TPCN1: variants seen among roughly 807,000 people sequenced by gnomAD.
TPCN1 encodes two pore segment channel 1.
Under a neutral mutation model 108.8 loss-of-function variants are expected in TPCN1, and 52 were observed. The observed-to-expected ratio is 0.48, with a 90% CI of 0.38 to 0.60. The LOEUF (loss-of-function observed/expected upper bound fraction) is 0.60, where lower values mean the gene tolerates loss of function less well. Ranked by LOEUF, TPCN1 falls within the 20% of genes least tolerant of loss-of-function variation. TPCN1 has a pLI of 0.00. For synonymous variants in TPCN1, 446 were observed against 433.7 expected (o/e 1.03, Z -0.35); for missense variants, 806 against 1,072.8 (o/e 0.75, Z 3.47).
chr12:113,257,112 A>T (rs1954855861), intron 2 of TPCN1, among the ~76,000 whole-genome samples: 1 of 152,228 alleles, frequency 6.6e-6, no homozygotes, highest in African/African-American at 2.4e-5. Flanking sequence ...AAACATATGG[A>T]AAGTTGTGCA....
chr12:113,224,025 G>A (rs1953374790), intron 1 of TPCN1, among the ~76,000 whole-genome samples: 1 of 152,168 alleles, frequency 6.6e-6, no homozygotes, highest in African/African-American at 2.4e-5. Flanking sequence ...ACTGTTCTGA[G>A]AGGCTGCATG....
intron 14 of TPCN1, 73 bp downstream of exon 14, chr12:113,278,908 G>C: frequency 7.2e-7 from 1 of 1,390,118 alleles, no homozygotes; most frequent in South Asian, 1.2e-5. Flanking sequence ...ACAGATAAGC[G>C]TCTGAGGAGA....
intron 3 of TPCN1, among the ~76,000 whole-genome samples, chr12:113,265,544 CTTTCTTTTTTT>C (rs1212081679): frequency 6.7e-6 from 1 of 150,240 alleles, no homozygotes; most frequent in Non-Finnish European, 1.5e-5. Context: ...TTTTCTTTTT[CTTTCTTTTTTT>C]TTTTTTTTTG....
chr12:113,291,771 G>A (rs1175601659), intron 24 of TPCN1, 94 bp downstream of exon 24: 1 of 1,569,976 alleles, frequency 6.4e-7, no homozygotes, highest in Admixed American at 1.7e-5. Flanking sequence ...GAGTGGGGCT[G>A]GGTCCCATCT....
At chr12:113,240,908 G>A (rs1954089806) in intron 2 of TPCN1, among the ~76,000 whole-genome samples, 1 of 152,030 alleles carries the variant, frequency 6.6e-6, no homozygotes, top group Non-Finnish European at 1.5e-5. Flanking sequence ...CATCATGCCT[G>A]GCTAATTTTT....
intron 2 of TPCN1, among the ~76,000 whole-genome samples, chr12:113,237,432 C>G (rs371846379): frequency 6.6e-6 from 1 of 152,100 alleles, no homozygotes; most frequent in African/African-American, 2.4e-5. Context: ...TCTCGGCTCA[C>G]TGCAACCTCC....
chr12:113,276,021 A>G (rs1001705566), intron 10 of TPCN1, among the ~76,000 whole-genome samples: 2 of 152,236 alleles, frequency 1.3e-5, no homozygotes, highest in African/African-American at 2.4e-5. Flanking sequence ...AATTTGGCCC[A>G]TGGCCTGTGT....
intron 3 of TPCN1, among the ~76,000 whole-genome samples, chr12:113,264,039 G>C (rs2136598551): frequency 6.6e-6 from 1 of 152,070 alleles, no homozygotes; most frequent in Admixed American, 6.5e-5. Context: ...TTCATTCCTG[G>C]TTATTTGTTG....
At chr12:113,256,392 A>C (rs1283360024) in intron 2 of TPCN1, among the ~76,000 whole-genome samples, 1 of 152,162 alleles carries the variant, frequency 6.6e-6, no homozygotes, top group Non-Finnish European at 1.5e-5. Flanking sequence ...GGGACAAAGA[A>C]ATTGACTAAT....
chr12:113,269,756 G>C lies in TPCN1; in HGVS notation c.660-1G>C. ...CCCTGAGCTGGCCCATCTCTCCCCA[G>C]CAACCTGCGGCAGATCTTCCAGTCC... is the stretch of plus-strand genomic sequence containing the variant. On this transcript the variant is annotated splice_acceptor_variant, in intron 6 of 27. Transcript: ENST00000335509. LOFTEE classifies it high-confidence loss of function. This position sits in a 1 kb window ranked among gnomAD's most constrained non-coding sequence, Gnocchi z 5.0. 6.2e-7 allele frequency: 1 copy of C among 1,613,158 alleles called. No homozygotes were observed. Among genetic ancestry groups the C allele is most frequent in the Non-Finnish European group, 8.5e-7 (1 of 1,179,964 alleles).
At chr12:113,281,492 A>G (rs1225467660) in intron 15 of TPCN1, among the ~76,000 whole-genome samples, 1 of 152,218 alleles carries the variant, frequency 6.6e-6, no homozygotes, top group Non-Finnish European at 1.5e-5. Flanking sequence ...AGCAATCCCA[A>G]TGATATAATT....
At chr12:113,223,615 T>C (rs939944503) in intron 1 of TPCN1, among the ~76,000 whole-genome samples, 2 of 152,114 alleles carry the variant, frequency 1.3e-5, no homozygotes, top group African/African-American at 4.8e-5. Context: ...GTGATCTCAG[T>C]TCACTGCAAC....
intron 19 of TPCN1, among the ~76,000 whole-genome samples, chr12:113,287,777 C>T (rs1956133017): frequency 6.6e-6 from 1 of 152,194 alleles, no homozygotes; most frequent in African/African-American, 2.4e-5. Flanking sequence ...CCGTCCCGCC[C>T]CCTGCCACCC....
Position 113,288,791 on chromosome 12 carries a change from C to T in TPCN1, c.1740C>T (p.Ser580=), listed in dbSNP as rs1956175430. 1.9e-6 allele frequency: 3 copies of T among 1,613,348 alleles called. No individual in the cohort carries two copies. The highest frequency in any genetic ancestry group is 2.5e-6 in the Non-Finnish European group (3 of 1,180,042). The change falls in exon 21 of 28, where the codon TCC becomes TCT. Residue 580 remains serine (S), a synonymous_variant. Transcript: ENST00000335509. The surrounding 1 kb of genome is among the most constrained non-coding windows in gnomAD (Gnocchi z 4.8). ...LGLTLLIFYY[S]FAIVGMEFFC... ...TCACCCTGCTCATCTTTTACTACTC[C>T]TTCGCCATCGTGGGCATGGAGTTCT...
chr12:113,268,896 G>A lies in TPCN1; in HGVS notation c.659+24G>A, dbSNP rs1017785963. On this transcript the variant is annotated intron_variant, in intron 6 of 27. Coordinates refer to ENST00000335509, the MANE Select transcript of TPCN1 (RefSeq NM_017901.6). This position sits in a 1 kb window ranked among gnomAD's most constrained non-coding sequence, Gnocchi z 7.3. ...CGGTAAGGCCCGGGTGGGGAGCTGGGCAGTCACTATCCTGGCATGGCCTGA... is the reference window on the plus strand; with the variant it reads ...CGGTAAGGCCCGGGTGGGGAGCTGGACAGTCACTATCCTGGCATGGCCTGA... 3.7e-6 allele frequency: 6 copies of A among 1,612,898 alleles called. No individual in the cohort carries two copies. The highest frequency in any genetic ancestry group is 3.3e-5 in the Admixed American group (2 of 59,962).
At chr12:113,257,854 GT>G (rs2136561965) in intron 2 of TPCN1, among the ~76,000 whole-genome samples, 1 of 152,112 alleles carries the variant, frequency 6.6e-6, no homozygotes, top group African/African-American at 2.4e-5. Context: ...ATGTGGATGA[GT>G]TTTTAAATAA....
Position 113,288,589 on chromosome 12 carries a change from C to T in TPCN1, c.1707-169C>T. 1 of 1,474,266 alleles carries T rather than the reference C, an allele frequency of 6.8e-7. No homozygotes were observed. Among genetic ancestry groups the T allele is most frequent in the Non-Finnish European group, 9.0e-7 (1 of 1,115,740 alleles). The allele number at this position is 1,474,266 out of a possible 1,614,324, so 91.3% of individuals were successfully genotyped here. A position where few individuals can be genotyped will look rare whatever the true frequency, so the allele number is the denominator to read the frequency against. Reference sequence around the variant, plus strand: ...TAGCGTCCTGACTTGAGCTGTTTTTCACCCCAGAGCTGCCCCACGAGGCCC... The same window carrying T: ...TAGCGTCCTGACTTGAGCTGTTTTTTACCCCAGAGCTGCCCCACGAGGCCC... On this transcript the variant is annotated intron_variant, in intron 20 of 27. Transcript: ENST00000335509. This position sits in a 1 kb window ranked among gnomAD's most constrained non-coding sequence, Gnocchi z 4.8.
intron 15 of TPCN1, 74 bp downstream of exon 15, chr12:113,280,269 A>G: frequency 7.8e-7 from 1 of 1,286,672 alleles, no homozygotes; most frequent in Non-Finnish European, 1.1e-6. Flanking sequence ...GGGAGAGGCA[A>G]GAGATTGGTC....
At chr12:113,294,482 C>T (rs543138927) in intron 27 of TPCN1, among the ~76,000 whole-genome samples, 12 of 152,136 alleles carry the variant, frequency 7.9e-5, no homozygotes, top group African/African-American at 2.9e-4. Flanking sequence ...CAAAATTTAG[C>T]CAGGCCTGGT....
Sources: allele counts gnomAD v4.1 joint callset (sites outside exome capture counted in the v4.1 genomes callset), GRCh38; gene constraint gnomAD v4.1.1; non-coding constraint Gnocchi (gnomAD v3.1); transcripts MANE v1.5; gene names NCBI Gene and HGNC (gene_info 2026-07-23, HGNC 2026-07-21).